Variants in EIF2AK4 observed in about 807,000 individuals in gnomAD.
EIF2AK4 encodes the protein eukaryotic translation initiation factor 2 alpha kinase 4.
In EIF2AK4, 139 loss-of-function variants were observed where a neutral mutation model predicts 211.1. The ratio of observed to expected loss-of-function variants is 0.66; its 90% CI spans 0.57 to 0.76. The LOEUF is 0.76. Among genes scored for constraint, EIF2AK4 ranks in the 30% least tolerant of loss-of-function variants. The pLI, the probability that EIF2AK4 is intolerant of heterozygous loss-of-function variation, is 0.00. For missense variants in EIF2AK4, 1,664 were observed against 2,043.8 expected (o/e 0.81, Z 3.58); for synonymous variants, 710 against 751.3 (o/e 0.94, Z 0.90).
chr15:40,010,929 TGCCCAGAGCCTGGCCTTTGTTAGGGGA>T (rs2035227196), intron 26 of EIF2AK4, among the ~76,000 whole-genome samples: 1 of 152,228 alleles, frequency 6.6e-6, no homozygotes, highest in African/African-American at 2.4e-5. Flanking sequence ...TGGGATGAAA[TGCCCAGAGCCTGGCCTTTGTTAGGGGA>T]GCCCAGAGCA....
At chr15:39,942,147 G>A (rs1481057472) in intron 2 of EIF2AK4, among the ~76,000 whole-genome samples, 2 of 151,960 alleles carry the variant, frequency 1.3e-5, no homozygotes, top group Admixed American at 6.6e-5. Flanking sequence ...ATCTTAATTT[G>A]GGGTAATATT....
intron 9 of EIF2AK4, among the ~76,000 whole-genome samples, chr15:39,971,812 C>T (rs1411080720): frequency 6.6e-6 from 1 of 152,054 alleles, no homozygotes; most frequent in Admixed American, 6.5e-5. Context: ...GCATTGAAAT[C>T]ATTTGGAGCT....
intron 12 of EIF2AK4, chr15:39,977,215 T>C (rs1379342829): frequency 5.5e-6 from 1 of 180,482 alleles, no homozygotes; most frequent in Non-Finnish European, 1.2e-5. Flanking sequence ...CCCAGCGTTT[T>C]TAGGCACCAG....
chr15:39,955,407 C>T (rs1034845229), intron 5 of EIF2AK4, among the ~76,000 whole-genome samples: 1 of 152,162 alleles, frequency 6.6e-6, no homozygotes, highest in Admixed American at 6.5e-5. Flanking sequence ...TTAGCACATC[C>T]GTCACTGCAA....
Position 40,019,188 on chromosome 15 carries a change from C to T in EIF2AK4, c.4161C>T (p.Asn1387=). 6.3e-7 allele frequency: 1 copy of T among 1,584,774 alleles called. No homozygotes were observed. Among genetic ancestry groups the T allele is most frequent in the East Asian group, 2.3e-5 (1 of 43,848 alleles). ...ACAAGATATCTGCTGCTGTCCTCAA[C>T]ATGGAGGAATCTGTAAGTTCTGGCT... is the stretch of plus-strand genomic sequence containing the variant. ...AIDKISAAVL[N]MEESVTISSC... The change falls in exon 30 of 39, where the codon AAC becomes AAT. Residue 1387 remains asparagine (N), a synonymous_variant. Coordinates refer to ENST00000263791, the MANE Select transcript of EIF2AK4 (RefSeq NM_001013703.4).
chr15:39,986,230 G>T (rs1290042133), intron 14 of EIF2AK4, among the ~76,000 whole-genome samples: 1 of 152,236 alleles, frequency 6.6e-6, no homozygotes, highest in Non-Finnish European at 1.5e-5. Context: ...AGTTCTTATA[G>T]ACTTGTAAAG....
chr15:39,989,072 A>G (rs2034907122), intron 15 of EIF2AK4, among the ~76,000 whole-genome samples: 1 of 152,242 alleles, frequency 6.6e-6, no homozygotes, highest in African/African-American at 2.4e-5. Context: ...TAACTGAATT[A>G]GTGCCACCCT....
intron 37 of EIF2AK4, among the ~76,000 whole-genome samples, chr15:40,034,028 CAAA>C (rs1161664208): frequency 8.7e-5 from 6 of 68,954 alleles, no homozygotes; most frequent in Admixed American, 1.6e-4. Flanking sequence ...AACTCCATCT[CAAA>C]AAAAAAAAAA....
intron 23 of EIF2AK4, among the ~76,000 whole-genome samples, chr15:40,006,266 G>A (rs903835215): frequency 3.3e-5 from 5 of 151,796 alleles, no homozygotes; most frequent in Non-Finnish European, 5.9e-5. Flanking sequence ...TTATTCTGAG[G>A]TAGAGGTAAA....
intron 2 of EIF2AK4, 22 bp from the exon 3 acceptor site, chr15:39,943,351 CTTTTTTTTTT>C (rs5812147): frequency 9.1e-5 from 79 of 864,060 alleles, no homozygotes; most frequent in Non-Finnish European, 9.9e-5. Context: ...TGGAGTAACT[CTTTTTTTTTT>C]TTTTTTTTTT....
intron 23 of EIF2AK4, among the ~76,000 whole-genome samples, chr15:40,006,417 C>A (rs371013575): frequency 1.3e-5 from 2 of 152,104 alleles, no homozygotes; most frequent in African/African-American, 2.4e-5. Context: ...TAAATATCAG[C>A]TCCCATTCTA....
At chr15:39,955,847 G>T in intron 6 of EIF2AK4, 79 bp downstream of exon 6, 1 of 1,450,778 alleles carries the variant, frequency 6.9e-7, no homozygotes, top group Non-Finnish European at 9.2e-7. Context: ...AGTGAAATTT[G>T]ATGGAAATTT....
At chr15:39,981,512 G>A (rs1240156694) in intron 13 of EIF2AK4, among the ~76,000 whole-genome samples, 1 of 152,098 alleles carries the variant, frequency 6.6e-6, no homozygotes, top group Non-Finnish European at 1.5e-5. Flanking sequence ...CCTAATTGAT[G>A]GGTAGAAACC....
At chr15:39,945,873 A>T (rs889640602) in intron 3 of EIF2AK4, among the ~76,000 whole-genome samples, 1 of 152,216 alleles carries the variant, frequency 6.6e-6, no homozygotes, top group African/African-American at 2.4e-5. Context: ...TATAAATGGA[A>T]AGGCAAATCC....
chr15:40,019,436 C>A (rs1461521744), intron 30 of EIF2AK4, among the ~76,000 whole-genome samples: 1 of 152,184 alleles, frequency 6.6e-6, no homozygotes, highest in East Asian at 1.9e-4. Flanking sequence ...CCCTAACCCC[C>A]AGGCAGTGGA....
chr15:40,024,429 G>A (rs1463930984), intron 32 of EIF2AK4, among the ~76,000 whole-genome samples: 4 of 99,952 alleles, frequency 4.0e-5, no homozygotes, highest in South Asian at 3.3e-4. Context: ...TTTTTTTTGA[G>A]ATGGATTCTT....
At chr15:40,016,416 C>T in intron 27 of EIF2AK4, 86 bp from the exon 28 acceptor site, 2 of 1,511,688 alleles carry the variant, frequency 1.3e-6, no homozygotes, top group South Asian at 1.2e-5. Flanking sequence ...CCATGTGCTC[C>T]TGCTCCTGCA....
intron 35 of EIF2AK4, 111 bp from the exon 36 acceptor site, chr15:40,032,057 CT>C: frequency 2.1e-6 from 2 of 934,916 alleles, no homozygotes; most frequent in Non-Finnish European, 3.4e-6. Flanking sequence ...ATTTGGAATC[CT>C]TTCTAGGCTT....
chr15:39,992,200 C>T lies in EIF2AK4; in HGVS notation c.2657C>T (p.Thr886Ile), dbSNP rs1163856124. The T allele has an allele frequency of 6.2e-7, 1 of 1,612,448 alleles. No homozygotes were observed. The highest frequency in any genetic ancestry group is 1.7e-5 in the Admixed American group (1 of 59,916). ...GCTGACAGCAAACAAGACGATCAGACAGGAGACTTGATTAAGTCAGACCCT... is the reference window on the plus strand; with the variant it reads ...GCTGACAGCAAACAAGACGATCAGATAGGAGACTTGATTAAGTCAGACCCT... ...FSADSKQDDQ[T>I]GDLIKSDPSG... The change falls in exon 17 of 39, where the codon ACA becomes ATA. Residue 886 changes from threonine to isoleucine, a missense_variant. Physicochemically the swap from Thr to Ile is moderately conservative, Grantham distance 89. This residue lies in a region of EIF2AK4 where 622 missense variants were observed against 796.8 expected (regional missense o/e 0.78). Transcript: ENST00000263791.
Sources: gnomAD v4.1 joint callset for allele counts (sites outside exome capture counted in the v4.1 genomes callset) on GRCh38, gnomAD v4.1.1 for gene constraint, gnomAD v4.1.1 regional missense constraint, MANE v1.5 for transcripts, NCBI Gene and HGNC (gene_info 2026-07-23, HGNC 2026-07-21) for gene names.